The following ASPH variants were observed in gnomAD, a reference collection of about 807,000 sequenced individuals.
ASPH encodes aspartyl/asparaginyl beta-hydroxylase.
In ASPH, 100 loss-of-function variants were observed where a neutral mutation model predicts 118.4. The observed-to-expected ratio is 0.84, with a 90% confidence interval of 0.72 to 1.00. The LOEUF (loss-of-function observed/expected upper bound fraction) is 1.00. Ranked by LOEUF, ASPH falls within the 50% of genes least tolerant of loss-of-function variation. The probability of loss-of-function intolerance (pLI) is 0.00; values close to 1 mark genes in which losing one functional copy is unlikely to be tolerated. For synonymous variants in ASPH, 315 were observed against 325.6 expected (o/e 0.97, Z 0.35); for missense variants, 920 against 919.5 (o/e 1.00, Z -0.01).
At chr8:61,701,388 T>G (rs1835207228) in intron 1 of ASPH, among the ~76,000 whole-genome samples, 1 of 152,262 alleles carries the variant, frequency 6.6e-6, no homozygotes, top group Non-Finnish European at 1.5e-5. Flanking sequence ...CCAGTCATCT[T>G]AAATGTCTCA....
intron 24 of ASPH, 74 bp from the exon 25 acceptor site, chr8:61,503,583 T>C (rs1805328968): frequency 1.5e-5 from 21 of 1,426,862 alleles, no homozygotes; most frequent in Non-Finnish European, 2.0e-5. Context: ...TTCCTGTCCA[T>C]GTGCGAGAAC....
intron 16 of ASPH, among the ~76,000 whole-genome samples, chr8:61,573,827 A>AC (rs1389368165): frequency 6.6e-6 from 1 of 152,234 alleles, no homozygotes; most frequent in Non-Finnish European, 1.5e-5. Context: ...AGCAATGGTA[A>AC]CAAAAGCCAA....
intron 24 of ASPH, among the ~76,000 whole-genome samples, chr8:61,513,278 C>T (rs1013024313): frequency 1.3e-5 from 2 of 152,194 alleles, no homozygotes; most frequent in African/African-American, 4.8e-5. Flanking sequence ...ACAGAACTTC[C>T]AGATTTCATA....
Position 61,714,517 on chromosome 8 carries a change from C to A in ASPH, c.-146G>T, listed in dbSNP as rs1838920510. On this transcript the variant is annotated 5_prime_UTR_variant, in exon 1 of 25. Transcript: ENST00000379454. ...TGCAGCAGACCCTGTGCCTCAGCAC[C>A]GCCTGCAGCACCTGGGAAGACTTCA... 1 of 1,195,296 alleles carries A rather than the reference C, an allele frequency of 8.4e-7. No homozygotes were observed. The highest frequency in any genetic ancestry group is 1.1e-6 in the Non-Finnish European group (1 of 928,218). 74.0% of individuals were successfully genotyped at this position (1,195,296 alleles called of 1,614,324 possible).
At chr8:61,620,921 G>C (rs1321983522) in intron 13 of ASPH, among the ~76,000 whole-genome samples, 4 of 152,232 alleles carry the variant, frequency 2.6e-5, no homozygotes, top group African/African-American at 9.6e-5. Context: ...AGGAGGAGTG[G>C]TTTGAACTGG....
intron 22 of ASPH, among the ~76,000 whole-genome samples, chr8:61,524,313 G>T (rs1375694325): frequency 2.0e-5 from 3 of 150,586 alleles, no homozygotes; most frequent in Non-Finnish European, 3.0e-5. Context: ...TAATAAGAAA[G>T]AATGAAAATA....
intron 14 of ASPH, among the ~76,000 whole-genome samples, chr8:61,587,963 A>T (rs192211193): frequency 1.3e-5 from 2 of 151,988 alleles, no homozygotes. Context: ...TTTCTTACCC[A>T]TGGGTAAGAA....
intron 14 of ASPH, among the ~76,000 whole-genome samples, chr8:61,585,905 T>G (rs1223338888): frequency 6.6e-6 from 1 of 152,186 alleles, no homozygotes; most frequent in African/African-American, 2.4e-5. Context: ...TCTATAAAAT[T>G]AGGGGTGTTT....
At chr8:61,671,679 T>C (rs1240971874) in intron 3 of ASPH, among the ~76,000 whole-genome samples, 1 of 152,232 alleles carries the variant, frequency 6.6e-6, no homozygotes, top group Non-Finnish European at 1.5e-5. Flanking sequence ...TTGGGAATTC[T>C]TATACAGAAA....
intron 24 of ASPH, among the ~76,000 whole-genome samples, chr8:61,507,672 C>T (rs1242423299): frequency 6.6e-6 from 1 of 151,422 alleles, no homozygotes; most frequent in Non-Finnish European, 1.5e-5. Flanking sequence ...GTTTTTTTTC[C>T]ACAACAAAGG....
intron 14 of ASPH, among the ~76,000 whole-genome samples, chr8:61,585,847 G>A (rs569748748): frequency 1.3e-5 from 2 of 152,176 alleles, no homozygotes; most frequent in Non-Finnish European, 2.9e-5. Flanking sequence ...CAAGCTCTGT[G>A]ACCTAAGCCA....
rs1481923674 is a variant in ASPH at position 61,620,299 on chromosome 8, T to TA, written c.935-1281dup. Among the ~76,000 whole-genome samples the TA allele has an allele frequency of 2.6e-5, 4 of 152,120 alleles. No homozygotes were observed. The East Asian group carries it at 5.8e-4, about 22-fold the overall frequency. On this transcript the variant is annotated intron_variant, in intron 13 of 24. Transcript: ENST00000379454. ...AGGAGAAAATAGATGGCTGAGAAAT[T>TA]AGAGTCCCCAAAGCTATCAAGGCCA...
chr8:61,578,177 C>G (rs1310953672), intron 15 of ASPH: 3 of 1,535,746 alleles, frequency 2.0e-6, no homozygotes, highest in Non-Finnish European at 1.7e-6. Flanking sequence ...CTTCTAGGAT[C>G]TCCGCCTGGT....
intron 14 of ASPH, among the ~76,000 whole-genome samples, chr8:61,590,442 G>A (rs1177274769): frequency 6.6e-6 from 1 of 152,094 alleles, no homozygotes; most frequent in African/African-American, 2.4e-5. Context: ...ACTCTAGATG[G>A]CCAGGGAAGC....
intron 13 of ASPH, among the ~76,000 whole-genome samples, chr8:61,628,911 AATATAT>A: frequency 6.6e-6 from 1 of 152,282 alleles, no homozygotes; most frequent in African/African-American, 2.4e-5. Flanking sequence ...CAATAACAAC[AATATAT>A]ATATAAAGCA....
At position 61,638,099 on chromosome 8, in the gene ASPH, G is replaced by A. The variant is rs933263960; in HGVS notation, c.833-96C>T. On this transcript the variant is annotated intron_variant, in intron 11 of 24. Coordinates refer to ENST00000379454, the MANE Select transcript of ASPH (RefSeq NM_004318.4). Reference sequence around the variant, plus strand: ...TTCATTCAGATTCCTAAATTAACTCGTGTCCACTCAGATTGCTAAATTTGA... The same window carrying A: ...TTCATTCAGATTCCTAAATTAACTCATGTCCACTCAGATTGCTAAATTTGA... 122 of 1,305,674 alleles carry A rather than the reference G, an allele frequency of 9.3e-5. No individual in the cohort carries two copies. The African/African-American group carries it at 1.1e-3, about 11-fold the overall frequency. 80.9% of individuals were successfully genotyped at this position (1,305,674 alleles called of 1,614,324 possible).
chr8:61,677,528 A>G (rs1825977732), intron 3 of ASPH, among the ~76,000 whole-genome samples: 1 of 152,204 alleles, frequency 6.6e-6, no homozygotes, highest in African/African-American at 2.4e-5. Context: ...GACGACAACT[A>G]ATTTAAAAGT....
intron 24 of ASPH, among the ~76,000 whole-genome samples, chr8:61,505,725 T>C (rs938967534): frequency 8.5e-5 from 13 of 152,308 alleles, no homozygotes; most frequent in African/African-American, 2.9e-4. Context: ...TAGAGTTCCA[T>C]TGGAGTTCCA....
In ASPH at chr8:61,615,398, A is replaced by G. The variant is rs377052519; in HGVS notation, c.976+3580T>C. On this transcript the variant is annotated intron_variant, in intron 14 of 24. Transcript: ENST00000379454. ...TTTCCTGTCTTATATTCCTTTTCAC[A>G]CTTCACACTGCCTCTTATATTTTAA... is the stretch of plus-strand genomic sequence containing the variant. Among the ~76,000 whole-genome samples, 265 of 152,006 alleles carry G rather than the reference A, an allele frequency of 1.7e-3. 2 individuals are homozygous for G. The highest frequency in any genetic ancestry group is 3.4e-3 in the Middle Eastern group (1 of 294).
Sources: gnomAD v4.1 joint callset for allele counts (sites outside exome capture counted in the v4.1 genomes callset) on GRCh38, gnomAD v4.1.1 for gene constraint, MANE v1.5 for transcripts, NCBI Gene and HGNC (gene_info 2026-07-23, HGNC 2026-07-21) for gene names.